PARP4: variants seen among roughly 807,000 people sequenced by gnomAD.
PARP4 encodes the protein protein mono-ADP-ribosyltransferase PARP4.
A neutral mutation model predicts 187.7 loss-of-function variants in PARP4; 120 were observed. The observed-to-expected ratio is 0.64, with a 90% CI of 0.55 to 0.74. The LOEUF (loss-of-function observed/expected upper bound fraction) is 0.74. Among genes scored for constraint, PARP4 ranks in the 30% least tolerant of loss-of-function variants. The pLI, the probability that PARP4 is intolerant of heterozygous loss-of-function variation, is 0.00. For synonymous variants in PARP4, 654 were observed against 740.9 expected (o/e 0.88, Z 1.90); for missense variants, 1,836 against 2,070.5 (o/e 0.89, Z 2.20).
intron 1 of PARP4, among the ~76,000 whole-genome samples, chr13:24,508,968 A>T (rs1016244449): frequency 3.9e-5 from 6 of 152,220 alleles, no homozygotes; most frequent in African/African-American, 7.2e-5. Flanking sequence ...TGGAAAATTA[A>T]ATCATTTCTG....
chr13:24,472,708 T>A (rs1284258117), intron 15 of PARP4, among the ~76,000 whole-genome samples: 2 of 152,148 alleles, frequency 1.3e-5, no homozygotes, highest in East Asian at 3.8e-4. Context: ...CCTGTGACTG[T>A]GGATGATGAA....
chr13:24,501,173 A>T (rs1334377483), intron 3 of PARP4, among the ~76,000 whole-genome samples: 1 of 152,174 alleles, frequency 6.6e-6, no homozygotes, highest in Non-Finnish European at 1.5e-5. Flanking sequence ...GGAAGAGTGC[A>T]TTTTTCATGT....
At chr13:24,445,558 G>A (rs1345047178) in intron 27 of PARP4, among the ~76,000 whole-genome samples, 1 of 152,168 alleles carries the variant, frequency 6.6e-6, no homozygotes, top group East Asian at 1.9e-4. Flanking sequence ...CAGGAGGATG[G>A]TGCACCCCAA....
chr13:24,459,149 T>C (rs765222149), intron 19 of PARP4, 27 bp from the exon 20 acceptor site: 2 of 1,587,178 alleles, frequency 1.3e-6, no homozygotes, highest in South Asian at 2.3e-5. Context: ...GAAAGTTGTC[T>C]TAGTCTACGA....
intron 10 of PARP4, among the ~76,000 whole-genome samples, chr13:24,490,354 A>T (rs558303215): frequency 2.0e-5 from 3 of 152,308 alleles, no homozygotes; most frequent in Non-Finnish European, 2.9e-5. Flanking sequence ...TGCACATTTA[A>T]ATCAGTTTAA....
At chr13:24,497,805 G>C (rs1054153658) in intron 6 of PARP4, among the ~76,000 whole-genome samples, 12 of 151,812 alleles carry the variant, frequency 7.9e-5, no homozygotes, top group African/African-American at 2.9e-4. Flanking sequence ...CATGTGTAGA[G>C]ATGAGGACAC....
chr13:24,421,682 A>G (rs1402297791), intron 33 of PARP4, among the ~76,000 whole-genome samples: 1 of 152,280 alleles, frequency 6.6e-6, no homozygotes, highest in Non-Finnish European at 1.5e-5. Flanking sequence ...TTCACAAATG[A>G]GGCTTCTGTT....
At chr13:24,506,819 G>A (rs555562788) in intron 1 of PARP4, among the ~76,000 whole-genome samples, 24 of 152,334 alleles carry the variant, frequency 1.6e-4, no homozygotes, top group Middle Eastern at 3.4e-3. Context: ...CCTTGCACCC[G>A]CACTCCTCAG....
intron 3 of PARP4, among the ~76,000 whole-genome samples, chr13:24,501,137 A>AC (rs1381961171): frequency 2.6e-5 from 4 of 152,228 alleles, no homozygotes. Flanking sequence ...TATTTATCAG[A>AC]ACTGTGTGAT....
chr13:24,496,493 C>T (rs1313774349), intron 6 of PARP4, among the ~76,000 whole-genome samples: 2 of 152,092 alleles, frequency 1.3e-5, no homozygotes, highest in Non-Finnish European at 2.9e-5. Flanking sequence ...AGCAGTGACT[C>T]ATATAATTGG....
chr13:24,509,261 C>T (rs1456378014), intron 1 of PARP4, among the ~76,000 whole-genome samples: 1 of 152,178 alleles, frequency 6.6e-6, no homozygotes, highest in Non-Finnish European at 1.5e-5. Flanking sequence ...AACCCTAGCA[C>T]TTTGGGAGAC....
At chr13:24,511,474 G>A (rs1397818183) in intron 1 of PARP4, among the ~76,000 whole-genome samples, 3 of 152,126 alleles carry the variant, frequency 2.0e-5, no homozygotes, top group African/African-American at 7.2e-5. Context: ...CATTCACAGA[G>A]TGTCTTCCAC....
Position 24,461,821 on chromosome 13 carries a change from T to C in PARP4, c.2134-1685A>G, listed in dbSNP as rs527349159. Among the ~76,000 whole-genome samples the C allele has an allele frequency of 9.9e-5, 15 of 152,034 alleles. No individual in the cohort carries two copies. The South Asian group carries it at 1.2e-3, about 13-fold the overall frequency. ...CAGAGCTGCGGGGAAGGGGCAGAAG[T>C]AAACCAGGGATCAGAAGCCTTCCTT... On this transcript the variant is annotated intron_variant, in intron 17 of 33. Coordinates refer to ENST00000381989, the MANE Select transcript of PARP4 (RefSeq NM_006437.4).
chr13:24,434,571 C>G lies in PARP4; in HGVS notation c.4570G>C (p.Glu1524Gln), dbSNP rs763984610. The G allele has an allele frequency of 1.9e-6, 3 of 1,613,292 alleles. No individual in the cohort carries two copies. The highest frequency in any genetic ancestry group is 2.5e-6 in the Non-Finnish European group (3 of 1,179,394). ...PVFAFQSSDTESDELSEVLQD... is the reference protein window; with the variant it reads ...PVFAFQSSDTQSDELSEVLQD... ...AGTACTTCTGATAGCTCATCACTTT[C>G]TGTGTCAGAACTTTGAAAAGCAAAG... Residue 1524 changes from glutamate to glutamine, a missense_variant, in exon 31 of 34, where the codon GAA (glutamate) becomes CAA (glutamine). By Grantham distance (29) the Glu-to-Gln change is conservative (BLOSUM62 2). Coordinates refer to ENST00000381989, the MANE Select transcript of PARP4 (RefSeq NM_006437.4).
intron 32 of PARP4, among the ~76,000 whole-genome samples, chr13:24,429,475 G>C (rs1233210685): frequency 6.6e-6 from 1 of 152,134 alleles, no homozygotes; most frequent in Non-Finnish European, 1.5e-5. Context: ...GTTTTGTTCT[G>C]GTAGGTCCTG....
chr13:24,479,636 CTT>C (rs746300850), intron 12 of PARP4, among the ~76,000 whole-genome samples: 3 of 152,164 alleles, frequency 2.0e-5, no homozygotes, highest in Non-Finnish European at 4.4e-5. Context: ...GGTGGAGAAC[CTT>C]TGTGTCTAGC....
chr13:24,471,291 CAGT>C (rs942870965), intron 15 of PARP4, among the ~76,000 whole-genome samples: 5 of 152,184 alleles, frequency 3.3e-5, no homozygotes, highest in African/African-American at 1.2e-4. Context: ...TCTTCCTACT[CAGT>C]AGCCTTCCTG....
At chr13:24,448,341 G>A (rs76355378) in intron 25 of PARP4, among the ~76,000 whole-genome samples, 8 of 152,118 alleles carry the variant, frequency 5.3e-5, no homozygotes, top group Non-Finnish European at 1.0e-4. Context: ...TCAGAAAGTT[G>A]AGGCTGTGGT....
chr13:24,496,261 T>G (rs1868948810), intron 6 of PARP4, among the ~76,000 whole-genome samples: 1 of 152,228 alleles, frequency 6.6e-6, no homozygotes, highest in Admixed American at 6.5e-5. Context: ...CAAAATCCAG[T>G]ATGCATTTCA....
Sources: gnomAD v4.1 joint callset for allele counts (sites outside exome capture counted in the v4.1 genomes callset) on GRCh38, gnomAD v4.1.1 for gene constraint, MANE v1.5 for transcripts, NCBI Gene and HGNC (gene_info 2026-07-23, HGNC 2026-07-21) for gene names.